The following LYRM4 variants were observed in gnomAD, a reference collection of about 807,000 sequenced individuals.
The protein encoded by LYRM4 is LYR motif containing 4, also known as LYR motif-containing protein 4.
Under a neutral mutation model 11.7 loss-of-function variants are expected in LYRM4, and 9 were observed. The ratio of observed to expected loss-of-function variants is 0.77; its 90% confidence interval spans 0.46 to 1.34. The LOEUF (loss-of-function observed/expected upper bound fraction) is 1.34. Ranked by LOEUF, LYRM4 falls within the 40% of genes most tolerant of loss-of-function variation. The pLI is 0.00. For missense variants in LYRM4, 133 were observed against 112.5 expected, an observed-to-expected ratio of 1.18 and a Z score of -0.82; for synonymous variants, 42 against 40.4, an observed-to-expected ratio of 1.04 and a Z score of -0.15.
At chr6:5,052,158 C>G in the LYRM4 span, among the ~76,000 whole-genome samples, 1 of 152,154 alleles carries the variant, frequency 6.6e-6, no homozygotes, top group Non-Finnish European at 1.5e-5. Flanking sequence ...GGGCACTAAA[C>G]AGTAACTCAA....
intron 1 of LYRM4, among the ~76,000 whole-genome samples, chr6:5,245,117 T>A (rs1171185794): frequency 0.094 from 1,440 of 15,338 alleles, 68 homozygotes; most frequent in South Asian, 0.17. Context: ...AAAAAAAATA[T>A]ATATATATAT....
chr6:5,250,259 A>G (rs909326969), intron 1 of LYRM4, among the ~76,000 whole-genome samples: 2 of 152,106 alleles, frequency 1.3e-5, no homozygotes, highest in Non-Finnish European at 2.9e-5. Flanking sequence ...GCCAAGGCAA[A>G]GTATAAATAG....
At chr6:5,212,424 G>A (rs1762031833) in intron 2 of LYRM4, among the ~76,000 whole-genome samples, 1 of 152,198 alleles carries the variant, frequency 6.6e-6, no homozygotes, top group Non-Finnish European at 1.5e-5. Flanking sequence ...ATCCTTTGGT[G>A]CTTCTTTGCT....
At chr6:5,211,084 A>C (rs1761965365) in intron 2 of LYRM4, among the ~76,000 whole-genome samples, 1 of 152,218 alleles carries the variant, frequency 6.6e-6, no homozygotes, top group Non-Finnish European at 1.5e-5. Flanking sequence ...AATAATACTT[A>C]AGGTAAATGC....
intron 2 of LYRM4, among the ~76,000 whole-genome samples, chr6:5,191,711 A>C (rs142779895): frequency 2.0e-5 from 3 of 152,336 alleles, no homozygotes; most frequent in African/African-American, 7.2e-5. Context: ...TCTGAAAACC[A>C]CTGAGTGAAA....
chr6:5,240,441 TAAG>T (rs1763809240), intron 1 of LYRM4: 1 of 152,308 alleles, frequency 6.6e-6, no homozygotes, highest in Admixed American at 6.5e-5. Context: ...AATATTTACT[TAAG>T]AAATCTAAAA....
intron 2 of LYRM4, among the ~76,000 whole-genome samples, chr6:5,165,456 G>A (rs1287019014): frequency 1.4e-4 from 22 of 152,088 alleles, no homozygotes; most frequent in Admixed American, 1.4e-3. Context: ...TGCAATTACT[G>A]AATTCCAGGA....
chr6:5,063,203 G>A, the LYRM4 span, among the ~76,000 whole-genome samples: 1 of 152,000 alleles, frequency 6.6e-6, no homozygotes. Context: ...TTTTAGGAAG[G>A]CACTGAAACT....
intron 2 of LYRM4, among the ~76,000 whole-genome samples, chr6:5,151,092 T>A (rs1758063349): frequency 6.6e-6 from 1 of 151,482 alleles, no homozygotes; most frequent in Non-Finnish European, 1.5e-5. Flanking sequence ...GAATTTTTTT[T>A]TTTTTTTTTT....
At chr6:5,195,571 T>C (rs976684138) in intron 2 of LYRM4, among the ~76,000 whole-genome samples, 2 of 152,062 alleles carry the variant, frequency 1.3e-5, no homozygotes, top group African/African-American at 2.4e-5. Context: ...GAGGCAGAGG[T>C]TGCAGTGAGC....
At chr6:5,207,180 GT>G (rs1161476343) in intron 2 of LYRM4, among the ~76,000 whole-genome samples, 1 of 152,128 alleles carries the variant, frequency 6.6e-6, no homozygotes, top group Non-Finnish European at 1.5e-5. Flanking sequence ...AAGCCACGCC[GT>G]TTTTTAGACT....
chr6:5,237,058 T>TA (rs1763591100), intron 1 of LYRM4, among the ~76,000 whole-genome samples: 1 of 152,176 alleles, frequency 6.6e-6, no homozygotes, highest in Non-Finnish European at 1.5e-5. Flanking sequence ...TCCCTCAAGG[T>TA]AAAGAATTGG....
intron 1 of LYRM4, among the ~76,000 whole-genome samples, chr6:5,254,365 T>C (rs1257442031): frequency 2.0e-5 from 3 of 152,346 alleles, no homozygotes; most frequent in Admixed American, 6.5e-5. Flanking sequence ...CAAGAGTTTG[T>C]AGAATCCCGA....
chr6:5,038,298 C>A, the LYRM4 span, among the ~76,000 whole-genome samples: 2 of 57,898 alleles, frequency 3.5e-5, 1 homozygote, highest in Non-Finnish European at 8.2e-5. Flanking sequence ...GGCGGCCGGG[C>A]AGAGATGCTC....
intron 2 of LYRM4, among the ~76,000 whole-genome samples, chr6:5,109,892 G>A (rs1300445904): frequency 6.6e-6 from 1 of 152,222 alleles, no homozygotes; most frequent in African/African-American, 2.4e-5. Context: ...GTGCAGAAAT[G>A]GGCGCCGTCT....
chr6:5,254,642 A>T (rs1473474141), intron 1 of LYRM4, among the ~76,000 whole-genome samples: 1 of 152,196 alleles, frequency 6.6e-6, no homozygotes, highest in African/African-American at 2.4e-5. Context: ...GTGCTTCCTC[A>T]ACATCTGCTT....
downstream of LYRM4, chr6:5,108,342 C>T: frequency 1.5e-6 from 1 of 653,772 alleles, no homozygotes; most frequent in Non-Finnish European, 1.9e-6. Flanking sequence ...AGGTCTGGTC[C>T]CTCGTAAACT....
chr6:5,114,267 G>T (rs576181261), intron 2 of LYRM4, among the ~76,000 whole-genome samples: 1 of 152,366 alleles, frequency 6.6e-6, no homozygotes, highest in African/African-American at 2.4e-5. Context: ...GGGCAGAAAG[G>T]TGGAGACTGA....
chr6:5,096,084 T>C, the LYRM4 span, among the ~76,000 whole-genome samples: 2 of 152,226 alleles, frequency 1.3e-5, no homozygotes, highest in African/African-American at 4.8e-5. Context: ...GACATTTTCA[T>C]TGTGGAAAGC....
Sources: gnomAD v4.1 joint callset for allele counts (sites outside exome capture counted in the v4.1 genomes callset) on GRCh38, gnomAD v4.1.1 for gene constraint, MANE v1.5 for transcripts, NCBI Gene and HGNC (gene_info 2026-07-23, HGNC 2026-07-21) for gene names.